Variants in ABCA9 observed in about 807,000 individuals in gnomAD.
ABCA9 encodes ATP-binding cassette sub-family A member 9.
A neutral mutation model predicts 205.3 loss-of-function variants in ABCA9; 183 were observed. The ratio of observed to expected loss-of-function variants is 0.89; its 90% CI spans 0.79 to 1.01. The LOEUF is 1.01. ABCA9 is among the 50% of genes least tolerant of loss of function. ABCA9 has a pLI of 0.00. For synonymous variants in ABCA9, 651 were observed against 683.3 expected, an observed-to-expected ratio of 0.95 and a Z score of 0.74; for missense variants, 1,805 against 1,912.4, an observed-to-expected ratio of 0.94 and a Z score of 1.05.
intron 13 of ABCA9, 27 bp from the exon 14 acceptor site, chr17:69,027,476 A>G (rs770406134): frequency 2.8e-5 from 45 of 1,585,416 alleles, no homozygotes; most frequent in Non-Finnish European, 3.8e-5. Context: ...TATTTAGTCC[A>G]AAACCCAGAA....
At position 68,986,200 on chromosome 17, in the gene ABCA9, C is replaced by T. The variant is rs571071438; in HGVS notation, c.4172G>A (p.Gly1391Asp). 1.2e-6 allele frequency: 2 copies of T among 1,613,192 alleles called. No homozygotes were observed. The highest frequency in any genetic ancestry group is 1.1e-5 in the South Asian group (1 of 90,874). ...GATCATTGCGTCCCCTTTCCTGAGA[C>T]CTTTCACGGCAGCGTACACCTCCAG... is the stretch of plus-strand genomic sequence containing the variant. ...QHLEVYAAVKGLRKGDAMIAI... is the reference protein window; with the variant it reads ...QHLEVYAAVKDLRKGDAMIAI... The change falls in exon 32 of 39, where the codon GGT becomes GAT. Residue 1391 changes from glycine to aspartate, a missense_variant. Transcript: ENST00000340001.
At chr17:69,012,163 A>T in intron 22 of ABCA9, 80 bp from the exon 23 acceptor site, 1 of 960,700 alleles carries the variant, frequency 1.0e-6, no homozygotes, top group Non-Finnish European at 1.6e-6. Flanking sequence ...AATCACTCAA[A>T]TAAATGAATT....
intron 8 of ABCA9, among the ~76,000 whole-genome samples, chr17:69,034,454 A>C (rs2071268060): frequency 6.6e-6 from 1 of 152,042 alleles, no homozygotes; most frequent in Admixed American, 6.6e-5. Context: ...CTTCTGCCAC[A>C]GGAGATCCAC....
At chr17:69,037,346 G>A (rs956381995) in intron 6 of ABCA9, among the ~76,000 whole-genome samples, 37 of 151,962 alleles carry the variant, frequency 2.4e-4, no homozygotes, top group African/African-American at 7.5e-4. Context: ...GCAAAAGAAC[G>A]GAAATCATAA....
chr17:69,048,693 G>A (rs943338451), intron 3 of ABCA9, among the ~76,000 whole-genome samples: 18 of 152,288 alleles, frequency 1.2e-4, no homozygotes, highest in African/African-American at 3.8e-4. Context: ...TTCTGAATAT[G>A]GTTTCAGTTG....
chr17:69,012,091 C>CATG lies in ABCA9; in HGVS notation c.3040-11_3040-9dup. 6.3e-7 allele frequency: 1 copy of CATG among 1,587,980 alleles called. No individual in the cohort carries two copies. The highest frequency in any genetic ancestry group is 1.7e-4 in the Middle Eastern group (1 of 5,990). ...CTCATAATCCATATGCTCCTGAAAT[C>CATG]ATGTGGAACATGGTGAGCTGATGGC... On this transcript the variant is annotated splice_polypyrimidine_tract_variant and intron_variant, in intron 22 of 38. Coordinates refer to ENST00000340001, the MANE Select transcript of ABCA9 (RefSeq NM_080283.4).
At chr17:69,061,753 T>C (rs1350925896), upstream of ABCA9, among the ~76,000 whole-genome samples, 1 of 152,238 alleles carries the variant, frequency 6.6e-6, no homozygotes, top group East Asian at 1.9e-4. Flanking sequence ...CTGTCTATTT[T>C]TGAGCATCTT....
intron 6 of ABCA9, among the ~76,000 whole-genome samples, chr17:69,040,681 C>G (rs1387923789): frequency 1.3e-5 from 2 of 152,106 alleles, no homozygotes; most frequent in African/African-American, 4.8e-5. Flanking sequence ...TGTAACAAAC[C>G]TGCACATTCT....
chr17:69,050,335 CACACACGA>C (rs1213311920), intron 2 of ABCA9, among the ~76,000 whole-genome samples: 77 of 71,764 alleles, frequency 1.1e-3, no homozygotes, highest in African/African-American at 1.8e-3. Context: ...CACACACACA[CACACACGA>C]ACACACACAC....
In ABCA9 at chr17:69,049,295, G is replaced by A; in HGVS notation, c.292C>T (p.Pro98Ser). 1.2e-6 allele frequency: 2 copies of A among 1,611,936 alleles called. No individual in the cohort carries two copies. Among genetic ancestry groups the A allele is most frequent in the Non-Finnish European group, 1.7e-6 (2 of 1,178,696 alleles). Residue 98 changes from proline to serine, a missense_variant, in exon 3 of 39, where the codon CCA (proline) becomes TCA (serine). Pro to Ser is a moderately conservative substitution (Grantham distance 74). Coordinates refer to ENST00000340001, the MANE Select transcript of ABCA9 (RefSeq NM_080283.4). The stretch of plus-strand genomic sequence containing the variant: ...CCAGGGAACATACCTTTTAGGAATG[G>A]GGCTGAAGCCACTTTGTTCATTATC... ...QEIMNKVASA[P>S]FLKGRTIMGW...
At chr17:69,063,543 C>CT (rs1203917283), upstream of ABCA9, among the ~76,000 whole-genome samples, 9 of 152,162 alleles carry the variant, frequency 5.9e-5, no homozygotes, top group Non-Finnish European at 1.2e-4. Context: ...GCTGCACTGC[C>CT]TGCATGTGAG....
rs765755245 is a variant in ABCA9 at position 68,990,850 on chromosome 17, C to A, written c.3824G>T (p.Arg1275Leu). 1.2e-6 allele frequency: 2 copies of A among 1,613,154 alleles called. No homozygotes were observed. The highest frequency in any genetic ancestry group is 1.7e-6 in the Non-Finnish European group (2 of 1,179,768). ...TCTGAGTTCTACCTCATCAAAGTCT[C>A]GCACAGCCATAGCATTCACTGTTCT... Reference protein sequence around the residue: ...RMRTVNAMAVRDFDETPVIIA... With the variant: ...RMRTVNAMAVLDFDETPVIIA... Residue 1275 changes from arginine (R) to leucine (L), a missense_variant, in exon 29 of 39, where the codon CGA becomes CTA. Physicochemically the swap from Arg to Leu is moderately radical, Grantham distance 102. Coordinates refer to ENST00000340001, the MANE Select transcript of ABCA9 (RefSeq NM_080283.4).
chr17:68,981,450 TCA>T (rs1454308723), intron 37 of ABCA9, among the ~76,000 whole-genome samples: 11 of 152,290 alleles, frequency 7.2e-5, no homozygotes, highest in African/African-American at 2.4e-4. Flanking sequence ...CCTGTTGATC[TCA>T]CTGCGGAATC....
At position 68,986,232 on chromosome 17, in the gene ABCA9, C is replaced by T. The variant is rs2069234477; in HGVS notation, c.4140G>A (p.Arg1380=). The change falls in exon 32 of 39, where the codon AGG becomes AGA. Residue 1380 remains arginine (R), a synonymous_variant. Coordinates refer to ENST00000340001, the MANE Select transcript of ABCA9 (RefSeq NM_080283.4). ...ENALWPNLTV[R]QHLEVYAAVK... ...CGGCAGCGTACACCTCCAGGTGCTG[C>T]CTCACTGTCAGGTTGGGCCACAGCG... 1 of 1,613,948 alleles carries T rather than the reference C, an allele frequency of 6.2e-7. No homozygotes were observed. Among genetic ancestry groups the T allele is most frequent in the African/African-American group, 1.3e-5 (1 of 74,934 alleles).
chr17:69,016,374 A>G lies in ABCA9; in HGVS notation c.2918T>C (p.Ile973Thr). Residue 973 changes from isoleucine to threonine, a missense_variant, in exon 22 of 39, where the codon ATA becomes ACA. Transcript: ENST00000340001. Reference protein sequence around the residue: ...SGDEKDHRFSIACNTKRLNCF... With the variant: ...SGDEKDHRFSTACNTKRLNCF... ...ATTCAGCCGTTTTGTATTACATGCT[A>G]TTGAAAATCTGTGATCCTGAAATAC... 1.9e-6 allele frequency: 3 copies of G among 1,588,952 alleles called. No individual in the cohort carries two copies. Among genetic ancestry groups the G allele is most frequent in the Admixed American group, 1.9e-5 (1 of 53,896 alleles).
chr17:69,046,635 T>C (rs2071711241), intron 3 of ABCA9, among the ~76,000 whole-genome samples: 1 of 151,768 alleles, frequency 6.6e-6, no homozygotes, highest in Non-Finnish European at 1.5e-5. Flanking sequence ...TCACGTGGGA[T>C]ATGTGCTTGT....
upstream of ABCA9, among the ~76,000 whole-genome samples, chr17:69,065,701 G>C (rs889287398): frequency 9.2e-5 from 14 of 152,098 alleles, no homozygotes; most frequent in Admixed American, 3.3e-4. Flanking sequence ...TTTCAGCTCT[G>C]ATCTCTCCTC....
intron 6 of ABCA9, among the ~76,000 whole-genome samples, chr17:69,038,117 C>T (rs908394570): frequency 2.0e-5 from 3 of 152,120 alleles, no homozygotes; most frequent in Admixed American, 2.0e-4. Flanking sequence ...AACAGATTCA[C>T]AGCTGAATTC....
chr17:69,049,800 A>G (rs1406052706), intron 2 of ABCA9, among the ~76,000 whole-genome samples: 1 of 152,182 alleles, frequency 6.6e-6, no homozygotes, highest in Non-Finnish European at 1.5e-5. Context: ...AGTCATGTTA[A>G]AATTTTAGTG....
Sources: gnomAD v4.1 joint callset for allele counts (sites outside exome capture counted in the v4.1 genomes callset) on GRCh38, gnomAD v4.1.1 for gene constraint, MANE v1.5 for transcripts, NCBI Gene and HGNC (gene_info 2026-07-23, HGNC 2026-07-21) for gene names.